Variants in EYS observed in about 807,000 individuals in gnomAD.
The protein encoded by EYS is EGF-like photoreceptor maintenance factor.
A neutral mutation model predicts 282.1 loss-of-function variants in EYS; 250 were observed. The observed-to-expected ratio is 0.89, with a 90% CI of 0.80 to 0.98. The LOEUF is 0.98. Among genes scored for constraint, EYS ranks in the 50% least tolerant of loss-of-function variants. The pLI is 0.00. For missense variants in EYS, 4,016 were observed against 3,709.0 expected (o/e 1.08, Z -2.15); for synonymous variants, 1,355 against 1,282.9 (o/e 1.06, Z -1.20).
chr6:64,959,899 TAAGAA>T, intron 14 of EYS, among the ~76,000 whole-genome samples: 1 of 131,266 alleles, frequency 7.6e-6, no homozygotes, highest in Non-Finnish European at 1.7e-5. Context: ...TTTTTTTTTT[TAAGAA>T]GAACCACTGT....
chr6:65,019,984 G>C (rs989969389), intron 13 of EYS, among the ~76,000 whole-genome samples: 9 of 152,094 alleles, frequency 5.9e-5, no homozygotes, highest in African/African-American at 2.2e-4. Context: ...ACTATCATGA[G>C]AACGGCAAGA....
rs138447983 is a variant in EYS at position 64,314,194 on chromosome 6, C to CAAAAAAAAAA, written c.6079-7122_6079-7113dup. Among the ~76,000 whole-genome samples the CAAAAAAAAAA allele has an allele frequency of 8.3e-4, 23 of 27,670 alleles. 2 individuals carry two copies. Among genetic ancestry groups the CAAAAAAAAAA allele is most frequent in the African/African-American group, 2.5e-3 (16 of 6,478 alleles). The allele number at this position is 27,670 out of a possible 152,430, so 18.2% of individuals were successfully genotyped here. A position where few individuals can be genotyped will look rare whatever the true frequency, so the allele number is the denominator to read the frequency against. On this transcript the variant is annotated intron_variant, in intron 29 of 42. Coordinates refer to ENST00000503581, the MANE Select transcript of EYS (RefSeq NM_001142800.2). ...GAAGATTTACTAAACAAATGGAAAG[C>CAAAAAAAAAA]AAAAAAAAAAAAAAAAAAAAAAAAG...
intron 2 of EYS, among the ~76,000 whole-genome samples, chr6:65,550,141 A>ATCTT (rs1312563233): frequency 0.014 from 101 of 7,178 alleles, 14 homozygotes; most frequent in Middle Eastern, 0.12. Flanking sequence ...ACTCTACTAT[A>ATCTT]TCTTTTTTTT....
At chr6:65,248,561 C>A (rs542860106) in intron 12 of EYS, among the ~76,000 whole-genome samples, 3 of 151,862 alleles carry the variant, frequency 2.0e-5, no homozygotes, top group African/African-American at 2.4e-5. Flanking sequence ...TCTGGTTACC[C>A]TATGTAGCAA....
At chr6:64,856,163 T>C (rs1005035892) in intron 19 of EYS, among the ~76,000 whole-genome samples, 7 of 152,138 alleles carry the variant, frequency 4.6e-5, no homozygotes, top group African/African-American at 1.7e-4. Context: ...TAAAATTATG[T>C]AGAGCTCCAT....
At chr6:64,174,142 T>C (rs1764558199) in intron 31 of EYS, among the ~76,000 whole-genome samples, 1 of 152,274 alleles carries the variant, frequency 6.6e-6, no homozygotes, top group African/African-American at 2.4e-5. Flanking sequence ...TTATTTATCC[T>C]TATCAATAAG....
rs568090424 is a variant in EYS, at chr6:64,725,457, C to A, written c.3443+87921G>T. Among the ~76,000 whole-genome samples the A allele has an allele frequency of 3.1e-4, 47 of 152,070 alleles. 1 individual carries two copies. The highest frequency in any genetic ancestry group is 6.8e-3 in the Middle Eastern group (2 of 294). ...ACTTATTTACTCAGACTCAGAGAAG[C>A]AATGATTTAAGGCATTATGAGCTCA... On this transcript the variant is annotated intron_variant, in intron 22 of 42. Transcript: ENST00000503581.
At chr6:65,345,608 T>C (rs1770361732) in intron 9 of EYS, among the ~76,000 whole-genome samples, 1 of 151,802 alleles carries the variant, frequency 6.6e-6, no homozygotes, top group Non-Finnish European at 1.5e-5. Context: ...TTTTTCCAAC[T>C]AGTATTTTTT....
chr6:65,180,498 A>G (rs996483900), intron 12 of EYS, among the ~76,000 whole-genome samples: 1 of 152,134 alleles, frequency 6.6e-6, no homozygotes, highest in African/African-American at 2.4e-5. Flanking sequence ...CCAACTTACA[A>G]GGGACGTGAA....
intron 12 of EYS, among the ~76,000 whole-genome samples, chr6:65,235,596 C>A (rs969307972): frequency 6.6e-6 from 1 of 152,090 alleles, no homozygotes; most frequent in African/African-American, 2.4e-5. Flanking sequence ...GTAATTCCAG[C>A]TCTTTATGAC....
rs1311819893 is a variant in EYS at position 63,863,626 on chromosome 6, A to G, written c.7228+560T>C. ...TTTCTGTACTCTAACCTCAGGGAAA[A>G]CTCATTACCACTTTTTCTTTTCTTT... On this transcript the variant is annotated intron_variant, in intron 36 of 42. Coordinates refer to ENST00000503581, the MANE Select transcript of EYS (RefSeq NM_001142800.2). Among the ~76,000 whole-genome samples, 2 of 144,804 alleles carry G rather than the reference A, an allele frequency of 1.4e-5. 1 individual carries two copies. The highest frequency in any genetic ancestry group is 3.0e-5 in the Non-Finnish European group (2 of 66,312). 95.0% of individuals were successfully genotyped at this position (144,804 alleles called of 152,430 possible). A position where few individuals can be genotyped will look rare whatever the true frequency, so the allele number is the denominator to read the frequency against.
At chr6:64,585,555 G>T (rs34148654) in intron 26 of EYS, among the ~76,000 whole-genome samples, 2 of 152,056 alleles carry the variant, frequency 1.3e-5, no homozygotes, top group East Asian at 1.9e-4. Context: ...GGCCTGAAAC[G>T]TAGAGAACGA....
At chr6:65,310,969 C>T (rs1349853919) in intron 11 of EYS, among the ~76,000 whole-genome samples, 2 of 151,962 alleles carry the variant, frequency 1.3e-5, no homozygotes, top group Non-Finnish European at 2.9e-5. Flanking sequence ...CTTTTCCTGT[C>T]GTGTTCACTA....
rs545057277 is a variant in EYS, at chr6:64,652,968, C to T, written c.3444-26723G>A. Among the ~76,000 whole-genome samples, 49 of 152,254 alleles carry T rather than the reference C, an allele frequency of 3.2e-4. No individual in the cohort carries two copies. In the Middle Eastern group the frequency reaches 0.01, roughly 32 times the overall value. On this transcript the variant is annotated intron_variant, in intron 22 of 42. Transcript: ENST00000503581. ...ATTCATTAGGGGTTGAATTCTGTCT[C>T]TCAGAAAAGGATATTTGAAGTCCTA...
intron 12 of EYS, among the ~76,000 whole-genome samples, chr6:65,247,680 A>T (rs913537872): frequency 6.6e-6 from 1 of 152,054 alleles, no homozygotes; most frequent in African/African-American, 2.4e-5. Context: ...AAATTTGTAA[A>T]CCACAGAAGA....
intron 26 of EYS, among the ~76,000 whole-genome samples, chr6:64,507,858 A>C (rs928235792): frequency 6.6e-6 from 1 of 152,186 alleles, no homozygotes; most frequent in African/African-American, 2.4e-5. Context: ...AAAAATGACA[A>C]GCTAATACCA....
In EYS at chr6:64,912,651, T is replaced by C; in HGVS notation, c.2474A>G (p.His825Arg). 1 of 1,549,194 alleles carries C rather than the reference T, an allele frequency of 6.5e-7. No homozygotes were observed. The highest frequency in any genetic ancestry group is 8.7e-7 in the Non-Finnish European group (1 of 1,145,208). Residue 825 changes from histidine (H) to arginine (R), a missense_variant, in exon 16 of 43, where the codon CAT (histidine) becomes CGT (arginine). His to Arg is a conservative substitution (Grantham distance 29). Coordinates refer to ENST00000503581, the MANE Select transcript of EYS (RefSeq NM_001142800.2). Reference protein sequence around the residue: ...SDPCMNGGLCHESTIPGQFVC... With the variant: ...SDPCMNGGLCRESTIPGQFVC... ...AAATTGTCCAGGGATGGTAGATTCA[T>C]GACAAAGACCTCCATTCATGCATGG...
At chr6:65,329,205 G>T in intron 11 of EYS, 2 of 309,890 alleles carry the variant, frequency 6.5e-6, no homozygotes, top group Non-Finnish European at 9.4e-6. Context: ...GTATGTATTT[G>T]GGAAAAATAT....
chr6:65,055,557 T>A (rs941864424), intron 13 of EYS, among the ~76,000 whole-genome samples: 51 of 152,172 alleles, frequency 3.4e-4, no homozygotes, highest in African/African-American at 1.0e-3. Flanking sequence ...TGTTCCAATA[T>A]CTCTTCCAAG....
Sources: gnomAD v4.1 joint callset for allele counts (sites outside exome capture counted in the v4.1 genomes callset) on GRCh38, gnomAD v4.1.1 for gene constraint, MANE v1.5 for transcripts, NCBI Gene and HGNC (gene_info 2026-07-23, HGNC 2026-07-21) for gene names.